SRP54: variants seen among roughly 807,000 people sequenced by gnomAD.
SRP54 encodes signal recognition particle 54.
In SRP54, 10 loss-of-function variants were observed where a neutral mutation model predicts 64.8. That is an observed-to-expected ratio of 0.15 (90% CI 0.10 to 0.26). The LOEUF (loss-of-function observed/expected upper bound fraction) is 0.26. SRP54 is among the 10% of genes least tolerant of loss of function. The probability of loss-of-function intolerance (pLI) is 1.00; values close to 1 mark genes in which losing one functional copy is unlikely to be tolerated. For synonymous variants in SRP54, 193 were observed against 185.6 expected (o/e 1.04, Z -0.32); for missense variants, 325 against 613.7 (o/e 0.53, Z 4.97).
intron 10 of SRP54, 51 bp downstream of exon 10, chr14:35,013,953 C>A: frequency 7.9e-7 from 1 of 1,272,510 alleles, no homozygotes; most frequent in Non-Finnish European, 1.1e-6. Context: ...TACGATGTAT[C>A]TTTAGGACAA....
chr14:35,007,136 T>A, intron 4 of SRP54, 147 bp from the exon 5 acceptor site: 1 of 391,644 alleles, frequency 2.6e-6, no homozygotes, highest in Non-Finnish European at 4.7e-6. Flanking sequence ...GAGGCTGCAG[T>A]GAGCTCTGAT....
At chr14:35,018,640 A>G in intron 11 of SRP54, 52 bp from the exon 12 acceptor site, 1 of 1,417,650 alleles carries the variant, frequency 7.1e-7, no homozygotes. Flanking sequence ...AGTTTTGTTG[A>G]ATGGAAATGT....
intron 5 of SRP54, 121 bp from the exon 6 acceptor site, chr14:35,008,506 A>C: frequency 1.8e-6 from 1 of 569,786 alleles, no homozygotes. Flanking sequence ...TAATATTTTC[A>C]GGAGAATTAT....
At chr14:35,019,940 T>C (rs1184638994) in intron 13 of SRP54, among the ~76,000 whole-genome samples, 2 of 152,196 alleles carry the variant, frequency 1.3e-5, no homozygotes, top group Admixed American at 6.5e-5. Flanking sequence ...CCCAGCACTT[T>C]GGGAGGCTGA....
At chr14:34,991,198 G>C (rs1199787257) in intron 1 of SRP54, among the ~76,000 whole-genome samples, 3 of 147,398 alleles carry the variant, frequency 2.0e-5, no homozygotes, top group East Asian at 3.9e-4. Flanking sequence ...GGCACGATCT[G>C]GGCTCACTGT....
intron 4 of SRP54, among the ~76,000 whole-genome samples, chr14:35,002,037 TAA>T (rs1157506657): frequency 7.2e-6 from 1 of 138,082 alleles, no homozygotes; most frequent in African/African-American, 2.7e-5. Flanking sequence ...CCAGTCTCTA[TAA>T]AAAAAAAAAA....
At chr14:35,022,363 CTTTT>C (rs914392799) in intron 13 of SRP54, among the ~76,000 whole-genome samples, 1 of 145,452 alleles carries the variant, frequency 6.9e-6, no homozygotes, top group African/African-American at 2.5e-5. Context: ...TCCGTATTTT[CTTTT>C]TTTTTTTGAG....
Position 35,008,885 on chromosome 14 carries a change from T to G in SRP54, c.485+54T>G, listed in dbSNP as rs1204460006. 6 of 185,182 alleles carry G rather than the reference T, an allele frequency of 3.2e-5. No individual in the cohort carries two copies. The Admixed American group carries it at 9.1e-4, about 28-fold the overall frequency. The allele number at this position is 185,182 out of a possible 1,614,324, so 11.5% of individuals were successfully genotyped here. ...TATATCCCTCTTCTTGTCTGTCAGC[T>G]TTTTTTTTTTTTTTTTTTTGAGACG... On this transcript the variant is annotated intron_variant, in intron 7 of 15. Coordinates refer to ENST00000216774, the MANE Select transcript of SRP54 (RefSeq NM_003136.4).
chr14:34,999,850 G>T, intron 3 of SRP54: 1 of 380,380 alleles, frequency 2.6e-6, no homozygotes, highest in East Asian at 4.0e-5. Flanking sequence ...AACTACATGT[G>T]ATTTTCATTT....
chr14:34,987,259 A>ATATATG (rs1555352662), intron 1 of SRP54, among the ~76,000 whole-genome samples: 6 of 113,454 alleles, frequency 5.3e-5, no homozygotes, highest in African/African-American at 1.5e-4. Context: ...ATATATATAT[A>ATATATG]TGTGTGTGTG....
At chr14:34,991,748 G>A (rs10145723) in intron 1 of SRP54, among the ~76,000 whole-genome samples, 25,656 of 146,192 alleles carry the variant, frequency 0.18, 2,363 homozygotes, top group East Asian at 0.33. Context: ...GGTGGAGGGG[G>A]CCTTACAGTC....
rs1302643991 is a variant in SRP54 at position 34,994,249 on chromosome 14, T to G, written c.-33-2428T>G. Reference sequence around the variant, plus strand: ...CCTGACCTCAGATGATCCACCCACCTCGGCCTCCCAAAGTGCTGGGATTAC... The same window carrying G: ...CCTGACCTCAGATGATCCACCCACCGCGGCCTCCCAAAGTGCTGGGATTAC... On this transcript the variant is annotated intron_variant, in intron 1 of 15. Coordinates refer to ENST00000216774, the MANE Select transcript of SRP54 (RefSeq NM_003136.4). 3.9e-5 allele frequency among the ~76,000 whole-genome samples: 6 copies of G among 152,232 alleles called. No homozygotes were observed. In the East Asian group the frequency reaches 1.2e-3, roughly 29 times the overall value.
chr14:35,005,840 T>C (rs2044248629), intron 4 of SRP54, among the ~76,000 whole-genome samples: 1 of 152,208 alleles, frequency 6.6e-6, no homozygotes. Context: ...TCCCATGCTT[T>C]TTTTTGTTTT....
chr14:34,998,069 T>TG (rs1304720002), intron 2 of SRP54, among the ~76,000 whole-genome samples: 1 of 152,056 alleles, frequency 6.6e-6, no homozygotes, highest in Admixed American at 6.6e-5. Context: ...AGCCCTCTAG[T>TG]GAAAGATCAG....
chr14:34,997,768 C>T (rs2044093089), intron 2 of SRP54, among the ~76,000 whole-genome samples: 1 of 152,106 alleles, frequency 6.6e-6, no homozygotes, highest in African/African-American at 2.4e-5. Context: ...TTGGAAGAAC[C>T]AGGATTAGAA....
intron 2 of SRP54, among the ~76,000 whole-genome samples, chr14:34,998,952 CT>C (rs1356986318): frequency 1.2e-4 from 15 of 126,980 alleles, no homozygotes; most frequent in Non-Finnish European, 2.5e-4. Flanking sequence ...TGAATATTGT[CT>C]TTATTATTAC....
chr14:35,022,950 AC>A lies in SRP54; in HGVS notation c.1199del (p.Pro400GlnfsTer7). The A allele has an allele frequency of 6.2e-7, 1 of 1,614,032 alleles. No individual in the cohort carries two copies. The highest frequency in any genetic ancestry group is 8.5e-7 in the Non-Finnish European group (1 of 1,179,968). ...ATGGTGCCAAAGTTTTTAGTAAACA[AC>A]CAGGAAGAATCCAAAGAGTAGCAAG... ...TDGAKVFSKQ[P>X]GRIQRVARGS... On this transcript the variant is annotated frameshift_variant, in exon 14 of 16. Transcript: ENST00000216774. LOFTEE classifies it high-confidence loss of function.
intron 1 of SRP54, among the ~76,000 whole-genome samples, chr14:34,992,220 A>G (rs1594979398): frequency 6.6e-6 from 1 of 152,218 alleles, no homozygotes; most frequent in East Asian, 1.9e-4. Context: ...GGCGTGAGCC[A>G]CTGGGCCCGG....
intron 1 of SRP54, among the ~76,000 whole-genome samples, chr14:34,989,212 G>C (rs2043947992): frequency 6.6e-6 from 1 of 152,146 alleles, no homozygotes; most frequent in African/African-American, 2.4e-5. Context: ...TTAGAAGAAA[G>C]GACTTTTGGC....
Sources: allele counts gnomAD v4.1 joint callset (sites outside exome capture counted in the v4.1 genomes callset), GRCh38; gene constraint gnomAD v4.1.1; transcripts MANE v1.5; gene names NCBI Gene and HGNC (gene_info 2026-07-23, HGNC 2026-07-21).